The following CNTNAP2 variants were observed in gnomAD, a reference collection of about 807,000 sequenced individuals.
CNTNAP2 encodes contactin-associated protein-like 2.
Under a neutral mutation model 155.2 loss-of-function variants are expected in CNTNAP2, and 98 were observed. The observed-to-expected ratio is 0.63, with a 90% CI of 0.54 to 0.75. The LOEUF (loss-of-function observed/expected upper bound fraction) is 0.75. CNTNAP2 is among the 30% of genes least tolerant of loss of function. The pLI is 0.00. For missense variants in CNTNAP2, 1,727 were observed against 1,688.1 expected, an observed-to-expected ratio of 1.02 and a Z score of -0.40; for synonymous variants, 651 against 631.2, an observed-to-expected ratio of 1.03 and a Z score of -0.47.
At position 147,046,996 on chromosome 7, in the gene CNTNAP2, T is replaced by C. The variant is rs139177768; in HGVS notation, c.550+2942T>C. ...GCAGTGAGCCAAGATTGCACCACTG[T>C]ACTCCAACCTGGGCGACAGAGCCAG... is the stretch of plus-strand genomic sequence containing the variant. On this transcript the variant is annotated intron_variant, in intron 4 of 23. Coordinates refer to ENST00000361727, the MANE Select transcript of CNTNAP2 (RefSeq NM_014141.6). Among the ~76,000 whole-genome samples the C allele has an allele frequency of 2.9e-3, 380 of 131,900 alleles. 3 individuals are homozygous for C. The Middle Eastern group carries it at 0.033, about 11-fold the overall frequency. 86.5% of individuals were successfully genotyped at this position (131,900 alleles called of 152,430 possible). A position where few individuals can be genotyped will look rare whatever the true frequency, so the allele number is the denominator to read the frequency against.
intron 1 of CNTNAP2, among the ~76,000 whole-genome samples, chr7:146,268,747 A>G (rs1414264064): frequency 2.0e-5 from 3 of 152,238 alleles, no homozygotes; most frequent in African/African-American, 7.2e-5. Context: ...ACATTCTTTC[A>G]AGAGGGAACA....
At chr7:146,260,311 C>T (rs1197198694) in intron 1 of CNTNAP2, among the ~76,000 whole-genome samples, 1 of 152,222 alleles carries the variant, frequency 6.6e-6, no homozygotes, top group Non-Finnish European at 1.5e-5. Context: ...GGAGCCTGAA[C>T]ACAGAGTCCC....
intron 1 of CNTNAP2, among the ~76,000 whole-genome samples, chr7:146,409,748 C>G (rs979393980): frequency 6.6e-6 from 1 of 152,064 alleles, no homozygotes; most frequent in African/African-American, 2.4e-5. Context: ...TTTTTTATTC[C>G]TAATACAAAG....
intron 1 of CNTNAP2, among the ~76,000 whole-genome samples, chr7:146,201,291 A>G (rs890999831): frequency 5.3e-5 from 8 of 152,234 alleles, no homozygotes; most frequent in African/African-American, 1.9e-4. Context: ...GTCATAGACC[A>G]CAATTAGAAA....
chr7:147,796,111 T>C (rs745360258), intron 13 of CNTNAP2, among the ~76,000 whole-genome samples: 19 of 152,178 alleles, frequency 1.2e-4, no homozygotes, highest in Non-Finnish European at 2.9e-5. Flanking sequence ...ATACAGACTT[T>C]GAAGTGATTA....
intron 8 of CNTNAP2, among the ~76,000 whole-genome samples, chr7:147,231,059 A>G (rs1414089490): frequency 3.3e-5 from 5 of 152,234 alleles, no homozygotes. Flanking sequence ...CAGACAAAAG[A>G]GAAGAGTGAA....
At chr7:147,892,385 C>T (rs1457219714) in intron 13 of CNTNAP2, among the ~76,000 whole-genome samples, 2 of 152,124 alleles carry the variant, frequency 1.3e-5, no homozygotes, top group Non-Finnish European at 2.9e-5. Context: ...ATCAAAGAAA[C>T]AAATAGCATA....
At chr7:146,907,652 G>A (rs371421283) in intron 3 of CNTNAP2, among the ~76,000 whole-genome samples, 70 of 149,888 alleles carry the variant, frequency 4.7e-4, no homozygotes, top group Middle Eastern at 3.4e-3. Flanking sequence ...TGAAGGAAGC[G>A]CTAAACATGG....
chr7:148,228,032 TC>T (rs1426394006), intron 19 of CNTNAP2, among the ~76,000 whole-genome samples: 10 of 152,184 alleles, frequency 6.6e-5, no homozygotes, highest in Admixed American at 1.3e-4. Context: ...CTGTTTACTT[TC>T]TATGTTTTAA....
intron 13 of CNTNAP2, among the ~76,000 whole-genome samples, chr7:147,787,298 G>A (rs1006638983): frequency 6.6e-6 from 1 of 152,164 alleles, no homozygotes; most frequent in African/African-American, 2.4e-5. Flanking sequence ...TATGATGTGG[G>A]TGCTTCAGTA....
chr7:147,640,147 G>A (rs1293560939), intron 13 of CNTNAP2, among the ~76,000 whole-genome samples: 1 of 151,378 alleles, frequency 6.6e-6, no homozygotes, highest in Non-Finnish European at 1.5e-5. Context: ...TATGTCTTTC[G>A]TGTACAATAT....
intron 1 of CNTNAP2, among the ~76,000 whole-genome samples, chr7:146,442,135 A>G (rs1174966876): frequency 1.3e-5 from 2 of 151,734 alleles, no homozygotes; most frequent in Non-Finnish European, 2.9e-5. Context: ...AAGAGTATAT[A>G]TATTTCAACC....
At chr7:146,900,433 T>G (rs1220208996) in intron 3 of CNTNAP2, among the ~76,000 whole-genome samples, 1 of 152,186 alleles carries the variant, frequency 6.6e-6, no homozygotes. Flanking sequence ...GGAAAGCAGT[T>G]TACTTAACCA....
intron 15 of CNTNAP2, among the ~76,000 whole-genome samples, chr7:148,066,981 T>A (rs1465708365): frequency 6.6e-6 from 1 of 152,210 alleles, no homozygotes; most frequent in African/African-American, 2.4e-5. Context: ...TATGTATTTC[T>A]CTAGAGATTT....
intron 13 of CNTNAP2, among the ~76,000 whole-genome samples, chr7:147,652,726 G>T (rs1023780620): frequency 1.3e-5 from 2 of 151,870 alleles, no homozygotes; most frequent in African/African-American, 4.8e-5. Flanking sequence ...GGAAGGAAGG[G>T]GGGAAGAAAG....
intron 1 of CNTNAP2, among the ~76,000 whole-genome samples, chr7:146,691,354 G>A (rs976226156): frequency 1.3e-5 from 2 of 151,568 alleles, no homozygotes; most frequent in African/African-American, 2.4e-5. Context: ...TTGAAAATGC[G>A]TTTAATACCT....
At chr7:148,123,397 G>C (rs950024993) in intron 16 of CNTNAP2, among the ~76,000 whole-genome samples, 3 of 152,060 alleles carry the variant, frequency 2.0e-5, no homozygotes, top group Admixed American at 2.0e-4. Context: ...AGACCAGCCT[G>C]GGCAACATGG....
intron 3 of CNTNAP2, among the ~76,000 whole-genome samples, chr7:146,973,028 TTCTC>T (rs947950720): frequency 2.0e-5 from 3 of 151,918 alleles, no homozygotes; most frequent in Admixed American, 6.6e-5. Context: ...TATGTTTCGT[TTCTC>T]TCTCTCTCTT....
intron 3 of CNTNAP2, among the ~76,000 whole-genome samples, chr7:146,866,983 A>T (rs894568878): frequency 3.3e-5 from 5 of 152,142 alleles, no homozygotes; most frequent in Admixed American, 3.3e-4. Context: ...GTAGATGCAT[A>T]TAACAACCTA....
Sources: allele counts gnomAD v4.1 joint callset (sites outside exome capture counted in the v4.1 genomes callset), GRCh38; gene constraint gnomAD v4.1.1; transcripts MANE v1.5; gene names NCBI Gene and HGNC (gene_info 2026-07-23, HGNC 2026-07-21).